Variants in ITIH5 observed in about 807,000 individuals in gnomAD.
ITIH5 encodes inter-alpha-trypsin inhibitor heavy chain H5.
A neutral mutation model predicts 77.5 loss-of-function variants in ITIH5; 65 were observed. The observed-to-expected ratio is 0.84, with a 90% CI of 0.69 to 1.03. ITIH5 has a LOEUF of 1.03. ITIH5 is among the 50% of genes least tolerant of loss of function. The pLI is 0.00. For missense variants in ITIH5, 1,208 were observed against 1,213.1 expected (o/e 1.00, Z 0.06); for synonymous variants, 525 against 494.3 (o/e 1.06, Z -0.82).
At chr10:7,609,503 T>C (rs1482079139) in intron 7 of ITIH5, 2 of 456,394 alleles carry the variant, frequency 4.4e-6, no homozygotes, top group East Asian at 6.9e-5. Flanking sequence ...TCCTAGAGCA[T>C]AAAGTAAGCC....
At chr10:7,664,403 A>T (rs1418095423) in intron 1 of ITIH5, among the ~76,000 whole-genome samples, 1 of 151,804 alleles carries the variant, frequency 6.6e-6, no homozygotes, top group Non-Finnish European at 1.5e-5. Flanking sequence ...CCGTCTCAAA[A>T]AAAAAAAAAA....
At chr10:7,570,993 G>A (rs1832285666) in intron 11 of ITIH5, among the ~76,000 whole-genome samples, 1 of 152,182 alleles carries the variant, frequency 6.6e-6, no homozygotes, top group African/African-American at 2.4e-5. Flanking sequence ...TGTGCACGGT[G>A]TAGGCAGGGG....
At chr10:7,607,422 G>A (rs7908287) in intron 7 of ITIH5, among the ~76,000 whole-genome samples, 1 of 152,304 alleles carries the variant, frequency 6.6e-6, no homozygotes, top group Admixed American at 6.5e-5. Flanking sequence ...AAGGTGGGAG[G>A]ATCGCTTGAG....
intron 5 of ITIH5, among the ~76,000 whole-genome samples, chr10:7,631,183 C>T (rs1833706081): frequency 6.6e-6 from 1 of 152,146 alleles, no homozygotes; most frequent in Non-Finnish European, 1.5e-5. Context: ...AATACTGACA[C>T]TTAGTTTCCA....
At chr10:7,659,166 C>T (rs1442701745) in intron 1 of ITIH5, among the ~76,000 whole-genome samples, 1 of 152,052 alleles carries the variant, frequency 6.6e-6, no homozygotes, top group Non-Finnish European at 1.5e-5. Flanking sequence ...CACCTGAGGT[C>T]AAGAGTTCGA....
At chr10:7,590,992 G>A (rs1832783153) in intron 7 of ITIH5, among the ~76,000 whole-genome samples, 1 of 152,232 alleles carries the variant, frequency 6.6e-6, no homozygotes, top group Non-Finnish European at 1.5e-5. Context: ...CGCCTCCCGG[G>A]TTCAAGCGAT....
At chr10:7,601,584 T>G (rs565500643) in intron 7 of ITIH5, among the ~76,000 whole-genome samples, 32 of 152,238 alleles carry the variant, frequency 2.1e-4, no homozygotes, top group African/African-American at 7.7e-4. Flanking sequence ...GTAGCCAGCA[T>G]CAAGCAGCTC....
intron 5 of ITIH5, chr10:7,618,709 C>G (rs1341312405): frequency 1.3e-5 from 2 of 152,174 alleles, no homozygotes; most frequent in African/African-American, 2.4e-5. Context: ...AATAGGCTGA[C>G]CAGCCATTTC....
intron 9 of ITIH5, among the ~76,000 whole-genome samples, chr10:7,579,283 T>C (rs566388793): frequency 6.6e-6 from 1 of 152,368 alleles, no homozygotes; most frequent in African/African-American, 2.4e-5. Flanking sequence ...CCCAGTACTT[T>C]GGGAGGCCAA....
chr10:7,620,620 G>A (rs905319336), intron 5 of ITIH5: 7 of 152,160 alleles, frequency 4.6e-5, no homozygotes, highest in Admixed American at 3.3e-4. Context: ...TAAATTTATT[G>A]TTAGCAAAGT....
chr10:7,602,478 TAATG>T (rs1833034909), intron 7 of ITIH5, among the ~76,000 whole-genome samples: 2 of 152,202 alleles, frequency 1.3e-5, no homozygotes, highest in South Asian at 4.1e-4. Flanking sequence ...GTTCTCATGA[TAATG>T]AGTGAGTCTC....
intron 7 of ITIH5, among the ~76,000 whole-genome samples, chr10:7,602,518 T>C (rs913080033): frequency 1.3e-5 from 2 of 152,150 alleles, no homozygotes; most frequent in African/African-American, 4.8e-5. Context: ...TTTTTAAGCA[T>C]CTGGCATTTC....
Position 7,561,228 on chromosome 10 carries a change from G to A in ITIH5, c.*1855C>T, listed in dbSNP as rs1207025810. On this transcript the variant is annotated 3_prime_UTR_variant, in exon 14 of 14. Transcript: ENST00000397146. Reference sequence around the variant, plus strand: ...AGCTCTTAAAGTAGCAACACAGGCAGTAGGAACTGGTCTTTCCTAATAACG... The same window carrying A: ...AGCTCTTAAAGTAGCAACACAGGCAATAGGAACTGGTCTTTCCTAATAACG... The A allele has an allele frequency of 6.6e-6, 1 of 152,272 alleles. No individual in the cohort carries two copies. The highest frequency in any genetic ancestry group is 1.5e-5 in the Non-Finnish European group (1 of 68,050). 9.4% of individuals were successfully genotyped at this position (152,272 alleles called of 1,614,324 possible). A position where few individuals can be genotyped will look rare whatever the true frequency, so the allele number is the denominator to read the frequency against.
At chr10:7,606,158 T>C (rs1468107977) in intron 7 of ITIH5, among the ~76,000 whole-genome samples, 2 of 152,238 alleles carry the variant, frequency 1.3e-5, no homozygotes, top group Non-Finnish European at 2.9e-5. Flanking sequence ...CCGGTAGGAA[T>C]GTAAACTACT....
At chr10:7,572,681 C>T (rs745341674) in intron 11 of ITIH5, 2 of 263,046 alleles carry the variant, frequency 7.6e-6, no homozygotes, top group Non-Finnish European at 1.5e-5. Context: ...AACAGCTGCA[C>T]TTCTCAGGCT....
rs142586039 is a variant in ITIH5 at position 7,576,477 on chromosome 10, C to T, written c.1954G>A (p.Val652Met). 2.7e-4 allele frequency: 428 copies of T among 1,603,124 alleles called. 2 individuals carry two copies. In the African/African-American group the frequency reaches 3.8e-3, roughly 14 times the overall value. The change falls in exon 10 of 14, where the codon GTG becomes ATG. Residue 652 changes from valine (V) to methionine (M), a missense_variant. By Grantham distance (21) the Val-to-Met change is conservative. Transcript: ENST00000397146. ...CCTGGCTGCGTGCCAGCTCCTCGCA[C>T]GCTCTGCACCACCGGTTCGGGTCCC... Reference protein sequence around the residue: ...AMGPEPVVQSVRGAGTQPGPL... With the variant: ...AMGPEPVVQSMRGAGTQPGPL...
At chr10:7,655,770 G>A (rs1248344261) in intron 1 of ITIH5, 95 bp from the exon 2 acceptor site, 2 of 967,954 alleles carry the variant, frequency 2.1e-6, no homozygotes, top group South Asian at 1.4e-5. Flanking sequence ...GTTATACAAG[G>A]GGGTTAAAAT....
At chr10:7,622,469 C>T (rs1833489505) in intron 5 of ITIH5, 1 of 152,078 alleles carries the variant, frequency 6.6e-6, no homozygotes, top group South Asian at 2.1e-4. Flanking sequence ...ATACTAGCTC[C>T]ATCCTCTTCC....
At chr10:7,594,408 T>C (rs1429167335) in intron 7 of ITIH5, among the ~76,000 whole-genome samples, 8 of 152,254 alleles carry the variant, frequency 5.3e-5, no homozygotes, top group South Asian at 2.1e-4. Flanking sequence ...GGGCCTTCCA[T>C]GCTAGAAAGA....
Sources: allele counts gnomAD v4.1 joint callset (sites outside exome capture counted in the v4.1 genomes callset), GRCh38; gene constraint gnomAD v4.1.1; transcripts MANE v1.5; gene names NCBI Gene and HGNC (gene_info 2026-07-23, HGNC 2026-07-21).